The following KLC1 variants were observed in gnomAD, a reference collection of about 807,000 sequenced individuals.
KLC1 encodes the protein kinesin 2 60/70kDa.
A neutral mutation model predicts 84.2 loss-of-function variants in KLC1; 30 were observed. That is an observed-to-expected ratio of 0.36 (90% CI 0.27 to 0.48). KLC1 has a LOEUF of 0.48. Ranked by LOEUF, KLC1 falls within the 20% of genes least tolerant of loss-of-function variation. KLC1 has a pLI of 0.99. For missense variants in KLC1, 499 were observed against 805.4 expected, an observed-to-expected ratio of 0.62 and a Z score of 4.60; for synonymous variants, 289 against 293.3, an observed-to-expected ratio of 0.99 and a Z score of 0.15.
chr14:103,657,758 T>C lies in KLC1; in HGVS notation c.474T>C (p.Asp158=), dbSNP rs1567019503. 9 of 1,613,702 alleles carry C rather than the reference T, an allele frequency of 5.6e-6. No homozygotes were observed. The highest frequency in any genetic ancestry group is 4.5e-5 in the East Asian group (2 of 44,886). Residue 158 remains aspartate, a synonymous_variant, in exon 3 of 17, where the codon GAT becomes GAC. Coordinates refer to ENST00000334553, the MANE Select transcript of KLC1 (RefSeq NM_001394837.1). ...TTATGAATCAGCTAAAAAAATATGATGACGACATTTCCCCATCCGTGAGTG... is the reference window on the plus strand; with the variant it reads ...TTATGAATCAGCTAAAAAAATATGACGACGACATTTCCCCATCCGTGAGTG... ...LEFMNQLKKY[D]DDISPSEDKD... is the part of the protein sequence containing the mutation.
intron 15 of KLC1, chr14:103,698,758 G>A (rs565417023): frequency 2.8e-5 from 44 of 1,547,398 alleles, no homozygotes; most frequent in African/African-American, 1.4e-4. Context: ...CCCGTGTGTC[G>A]GGGCTTCTCA....
chr14:103,686,317 C>A, intron 13 of KLC1: 1 of 630,732 alleles, frequency 1.6e-6, no homozygotes, highest in Non-Finnish European at 2.0e-6. Flanking sequence ...CATGGGGTGA[C>A]AGTTCATCTC....
chr14:103,685,895 A>T, intron 13 of KLC1: 2 of 1,129,676 alleles, frequency 1.8e-6, no homozygotes, highest in Non-Finnish European at 2.2e-6. Flanking sequence ...TTTACTGTGT[A>T]ATACACGAGT....
chr14:103,647,005 T>C (rs1397401110), intron 1 of KLC1, among the ~76,000 whole-genome samples: 1 of 152,168 alleles, frequency 6.6e-6, no homozygotes, highest in Non-Finnish European at 1.5e-5. Flanking sequence ...GTCTGGTGTT[T>C]TTGTCAGAGC....
intron 14 of KLC1, among the ~76,000 whole-genome samples, chr14:103,688,721 G>C (rs568911852): frequency 4.3e-4 from 65 of 152,270 alleles, no homozygotes; most frequent in African/African-American, 1.5e-3. Context: ...CTTTTGTAAG[G>C]AGCTTCTCAC....
intron 11 of KLC1, among the ~76,000 whole-genome samples, 200 bp from the exon 12 acceptor site, chr14:103,677,215 C>T (rs533052822): frequency 5.4e-4 from 82 of 152,276 alleles, no homozygotes; most frequent in Non-Finnish European, 8.2e-4. Context: ...GTCTACAGGA[C>T]GGGCCAGGGT....
chr14:103,657,438 A>G (rs2078920776), intron 2 of KLC1, 108 bp from the exon 3 acceptor site: 1 of 755,234 alleles, frequency 1.3e-6, no homozygotes, highest in Non-Finnish European at 2.2e-6. Flanking sequence ...TTTGGAGAAA[A>G]TATCTGCGAG....
chr14:103,638,822 GTA>G (rs1220016741), intron 1 of KLC1, among the ~76,000 whole-genome samples: 1 of 151,620 alleles, frequency 6.6e-6, no homozygotes, highest in Non-Finnish European at 1.5e-5. Flanking sequence ...AGTGGTGTGT[GTA>G]TGTATGAACA....
chr14:103,673,705 C>T (rs573724066), intron 9 of KLC1, among the ~76,000 whole-genome samples: 1 of 152,190 alleles, frequency 6.6e-6, no homozygotes, highest in Admixed American at 6.5e-5. Flanking sequence ...GGGTGGATCA[C>T]GAGGTCAGGC....
At chr14:103,689,587 G>C (rs1263991386) in intron 14 of KLC1, among the ~76,000 whole-genome samples, 1 of 152,204 alleles carries the variant, frequency 6.6e-6, no homozygotes, top group East Asian at 1.9e-4. Context: ...GAGACTGTGA[G>C]GCCCCACCCC....
intron 1 of KLC1, among the ~76,000 whole-genome samples, chr14:103,631,007 A>G (rs900295101): frequency 1.3e-5 from 2 of 152,076 alleles, no homozygotes; most frequent in Non-Finnish European, 2.9e-5. Flanking sequence ...GCAAGGGGGG[A>G]GGGAATGACA....
At chr14:103,673,453 C>T in intron 9 of KLC1, 22 bp downstream of exon 9, 1 of 1,423,148 alleles carries the variant, frequency 7.0e-7, no homozygotes, top group Non-Finnish European at 9.7e-7. Flanking sequence ...ACTCCCGTTT[C>T]AAGTGAATTT....
intron 1 of KLC1, among the ~76,000 whole-genome samples, chr14:103,641,073 C>T (rs118035648): frequency 2.9e-4 from 44 of 152,024 alleles, no homozygotes; most frequent in African/African-American, 9.7e-4. Context: ...TACAGGCATG[C>T]GCTACTATGC....
At chr14:103,677,352 T>C (rs1332591382) in intron 11 of KLC1, 63 bp from the exon 12 acceptor site, 6 of 913,348 alleles carry the variant, frequency 6.6e-6, no homozygotes, top group Admixed American at 1.9e-5. Flanking sequence ...GATTATGTGC[T>C]GTTGATAGTG....
In KLC1 at chr14:103,700,728, G is replaced by GTT; in HGVS notation, c.*1+2_*1+3insTT. 2 of 1,594,640 alleles carry GTT rather than the reference G, an allele frequency of 1.3e-6. No individual in the cohort carries two copies. Among genetic ancestry groups the GTT allele is most frequent in the Non-Finnish European group, 1.7e-6 (2 of 1,171,414 alleles). ...TGGCCTGGAAGACGCCACCGCTAAC[G>GTT]TGAGTCCCACGGCCTGCAGCCCCAG... On this transcript the variant is annotated splice_donor_variant, in intron 16 of 16. Coordinates refer to ENST00000334553, the MANE Select transcript of KLC1 (RefSeq NM_001394837.1). LOFTEE classifies it low-confidence loss of function (3UTR_SPLICE).
intron 1 of KLC1, among the ~76,000 whole-genome samples, chr14:103,636,632 C>T (rs187947954): frequency 1.4e-3 from 209 of 152,138 alleles, no homozygotes; most frequent in Non-Finnish European, 2.4e-3. Flanking sequence ...GCTTGTCGGT[C>T]TTTGTATGCC....
intron 13 of KLC1, among the ~76,000 whole-genome samples, chr14:103,680,293 A>G (rs1342881365): frequency 8.2e-6 from 1 of 121,778 alleles, no homozygotes; most frequent in Non-Finnish European, 1.7e-5. Context: ...TTTTTTTTTG[A>G]TACATAAGCT....
chr14:103,665,893 C>T (rs57970927), intron 5 of KLC1, among the ~76,000 whole-genome samples: 1,618 of 152,082 alleles, frequency 0.011, 33 homozygotes, highest in African/African-American at 0.037. Flanking sequence ...GGCTCTATTC[C>T]GTTGGTGGAG....
Position 103,670,170 on chromosome 14 carries a change from C to T in KLC1, c.886-12C>T. 1 of 1,598,788 alleles carries T rather than the reference C, an allele frequency of 6.3e-7. No homozygotes were observed. On this transcript the variant is annotated splice_polypyrimidine_tract_variant and intron_variant, in intron 6 of 16. Coordinates refer to ENST00000334553, the MANE Select transcript of KLC1 (RefSeq NM_001394837.1). ...CTTTTACCATTCTTAGTGGTTCTCT[C>T]TGTGTTGACAGGTGGCGGCGACTTT... is the stretch of plus-strand genomic sequence containing the variant.
Sources: allele counts gnomAD v4.1 joint callset (sites outside exome capture counted in the v4.1 genomes callset), GRCh38; gene constraint gnomAD v4.1.1; transcripts MANE v1.5; gene names NCBI Gene and HGNC (gene_info 2026-07-23, HGNC 2026-07-21).